The following MLLT1 variants were observed in gnomAD, a reference collection of about 807,000 sequenced individuals.
MLLT1 encodes MLLT1 super elongation complex subunit, also known as protein ENL.
MLLT1 carries 11 observed loss-of-function variants against 55.1 expected under a neutral mutation model. That is an observed-to-expected ratio of 0.20 (90% CI 0.13 to 0.33). The LOEUF is 0.33. Among genes scored for constraint, MLLT1 ranks in the 10% least tolerant of loss-of-function variants. MLLT1 has a pLI of 1.00. For synonymous variants in MLLT1, 323 were observed against 320.1 expected (o/e 1.01, Z -0.10); for missense variants, 536 against 760.6 (o/e 0.70, Z 3.47).
intron 3 of MLLT1, among the ~76,000 whole-genome samples, chr19:6,249,211 G>A (rs909478764): frequency 2.0e-5 from 3 of 152,138 alleles, no homozygotes; most frequent in South Asian, 2.1e-4. Flanking sequence ...TTGAAATAAT[G>A]TTTTAGATAC....
chr19:6,215,019 C>T (rs971484341), intron 8 of MLLT1, among the ~76,000 whole-genome samples: 6 of 152,222 alleles, frequency 3.9e-5, no homozygotes, highest in Non-Finnish European at 8.8e-5. Flanking sequence ...GCCCAGGCGA[C>T]GCCCCTGCCT....
chr19:6,261,451 C>G (rs973615813), intron 3 of MLLT1, among the ~76,000 whole-genome samples: 1 of 152,100 alleles, frequency 6.6e-6, no homozygotes, highest in Non-Finnish European at 1.5e-5. Flanking sequence ...AGTAACCAAG[C>G]GGGGCGGCAT....
Position 6,227,294 on chromosome 19 carries a change from G to A in MLLT1, c.421-192C>T, listed in dbSNP as rs2090965143. On this transcript the variant is annotated intron_variant, in intron 4 of 11. Transcript: ENST00000252674. The surrounding 1 kb of genome is among the most constrained non-coding windows in gnomAD (Gnocchi z 5.1). ...GCACGCAGAAGAAGCAGGCATGGGT[G>A]GGGAGCGAAGAAAAGCCCAGGGTCC... Among the ~76,000 whole-genome samples, 1 of 152,160 alleles carries A rather than the reference G, an allele frequency of 6.6e-6. No homozygotes were observed. The highest frequency in any genetic ancestry group is 1.5e-5 in the Non-Finnish European group (1 of 68,032).
Position 6,211,749 on chromosome 19 carries a change from C to A in MLLT1, c.*1293G>T, listed in dbSNP as rs2090774377. 17 of 1,064,640 alleles carry A rather than the reference C, an allele frequency of 1.6e-5. No homozygotes were observed. The East Asian group carries it at 8.0e-4, about 50-fold the overall frequency. The allele number at this position is 1,064,640 out of a possible 1,614,324, so 65.9% of individuals were successfully genotyped here. On this transcript the variant is annotated 3_prime_UTR_variant, in exon 12 of 12. Transcript: ENST00000252674. This position sits in a 1 kb window ranked among gnomAD's most constrained non-coding sequence, Gnocchi z 4.6. ...AGGCAGGCCTCCAGCCCCTGGGACCCCCAGCCACGATGGGCTGGCTCCGCG... is the reference window on the plus strand; with the variant it reads ...AGGCAGGCCTCCAGCCCCTGGGACCACCAGCCACGATGGGCTGGCTCCGCG...
At chr19:6,255,998 C>T (rs1025138655) in intron 3 of MLLT1, among the ~76,000 whole-genome samples, 3 of 152,032 alleles carry the variant, frequency 2.0e-5, no homozygotes, top group Admixed American at 6.5e-5. Flanking sequence ...GCAGGTAGAT[C>T]ACCTGAGGTC....
At position 6,279,920 on chromosome 19, in the gene MLLT1, G is replaced by A. The variant is rs2091450408; in HGVS notation, c.-136C>T. ...GCCGCCGCCGCCGCCGATCCCGGCC[G>A]CCCGCTCGCCCGCCAGCCCCGCGGA... is the stretch of plus-strand genomic sequence containing the variant. On this transcript the variant is annotated 5_prime_UTR_variant, in exon 1 of 12. Coordinates refer to ENST00000252674, the MANE Select transcript of MLLT1 (RefSeq NM_005934.4). 2 of 165,396 alleles carry A rather than the reference G, an allele frequency of 1.2e-5. No individual in the cohort carries two copies. The highest frequency in any genetic ancestry group is 2.4e-5 in the African/African-American group (1 of 41,170). The allele number at this position is 165,396 out of a possible 1,614,324, so 10.2% of individuals were successfully genotyped here. A position where few individuals can be genotyped will look rare whatever the true frequency, so the allele number is the denominator to read the frequency against.
chr19:6,221,821 C>T lies in MLLT1; in HGVS notation c.1110+300G>A, dbSNP rs4807850. Among the ~76,000 whole-genome samples the T allele has an allele frequency of 2.0e-5, 3 of 152,244 alleles. 1 individual carries two copies. The highest frequency in any genetic ancestry group is 2.0e-4 in the Admixed American group (3 of 15,288). On this transcript the variant is annotated intron_variant, in intron 6 of 11. Coordinates refer to ENST00000252674, the MANE Select transcript of MLLT1 (RefSeq NM_005934.4). ...AGACCCGGGCCCATGCAGGGGGCTG[C>T]TGGAGGAGGGGAGCTCAGAACCTCA...
At chr19:6,261,266 C>T (rs535825538) in intron 3 of MLLT1, among the ~76,000 whole-genome samples, 6 of 152,308 alleles carry the variant, frequency 3.9e-5, no homozygotes, top group Admixed American at 2.0e-4. Context: ...AACTGGACCC[C>T]GCGCGAGGCC....
intron 3 of MLLT1, among the ~76,000 whole-genome samples, chr19:6,253,424 T>C (rs1030656874): frequency 1.3e-5 from 2 of 152,018 alleles, no homozygotes; most frequent in African/African-American, 2.4e-5. Context: ...ACACCACTCC[T>C]GCTCAAACTC....
chr19:6,216,317 C>T (rs747651449), intron 8 of MLLT1, 88 bp downstream of exon 8: 3 of 998,378 alleles, frequency 3.0e-6, no homozygotes, highest in Non-Finnish European at 4.6e-6. Flanking sequence ...CAGTCCCAAC[C>T]CCACCTGCAG....
At chr19:6,275,019 C>A (rs1468499908) in intron 1 of MLLT1, among the ~76,000 whole-genome samples, 1 of 152,266 alleles carries the variant, frequency 6.6e-6, no homozygotes, top group Non-Finnish European at 1.5e-5. Context: ...CAGGTGTGGG[C>A]TACAGCGGCC....
Position 6,220,907 on chromosome 19 carries a change from G to A in MLLT1, c.1110+1214C>T, listed in dbSNP as rs768532071. Among the ~76,000 whole-genome samples the A allele has an allele frequency of 5.9e-5, 9 of 152,184 alleles. 1 individual carries two copies. Among genetic ancestry groups the A allele is most frequent in the Non-Finnish European group, 1.2e-4 (8 of 68,010 alleles). ...GGAAGGTGGCACCGGCCCCCCCACC[G>A]CCTCAGGGTCATAGCAGATGGTGCC... is the stretch of plus-strand genomic sequence containing the variant. On this transcript the variant is annotated intron_variant, in intron 6 of 11. Transcript: ENST00000252674.
Position 6,262,205 on chromosome 19 carries a change from C to T in MLLT1, c.276+23G>A. 1 of 1,606,082 alleles carries T rather than the reference C, an allele frequency of 6.2e-7. No individual in the cohort carries two copies. The highest frequency in any genetic ancestry group is 8.5e-7 in the Non-Finnish European group (1 of 1,172,984). On this transcript the variant is annotated intron_variant, in intron 3 of 11. Coordinates refer to ENST00000252674, the MANE Select transcript of MLLT1 (RefSeq NM_005934.4). This position sits in a 1 kb window ranked among gnomAD's most constrained non-coding sequence, Gnocchi z 4.4. ...GGGGTCCCCACAGAGAGGCATCCTG[C>T]TTGCTCCCCTCAGGGATCCTACCTT...
In MLLT1 at chr19:6,233,421, G is replaced by A. The variant is rs3787057; in HGVS notation, c.277-2708C>T. Among the ~76,000 whole-genome samples the A allele has an allele frequency of 8.3e-3, 1,267 of 152,262 alleles. 62 individuals are homozygous for A. The East Asian group carries it at 0.13, about 16-fold the overall frequency. On this transcript the variant is annotated intron_variant, in intron 3 of 11. Coordinates refer to ENST00000252674, the MANE Select transcript of MLLT1 (RefSeq NM_005934.4). ...AGTGACCTTGTGTGGGGAAAGCCCT[G>A]ATCTCAGAAAAGTGGGTCTCTGCCC...
chr19:6,228,963 G>A (rs1028440607), intron 4 of MLLT1, among the ~76,000 whole-genome samples: 4 of 152,234 alleles, frequency 2.6e-5, no homozygotes, highest in East Asian at 1.9e-4. Context: ...GCCTTGCCCC[G>A]CGCCTCCTCC....
intron 8 of MLLT1, among the ~76,000 whole-genome samples, chr19:6,215,330 G>A (rs976970631): frequency 5.3e-5 from 8 of 152,230 alleles, no homozygotes; most frequent in South Asian, 4.1e-4. Flanking sequence ...GGCTCTTGGC[G>A]CAAGCAGAAT....
rs751858137 is a variant in MLLT1 at position 6,227,022 on chromosome 19, A to T, written c.501T>A (p.Ser167=). The part of the protein sequence containing the change: ...DYPMLPTIPL[S]AFSDPKKTKP... Reference sequence around the variant, plus strand: ...TGGTCTTCTTGGGGTCAGAGAAGGCAGAGAGTGGAATTGTGGGTAACATGG... The same window carrying T: ...TGGTCTTCTTGGGGTCAGAGAAGGCTGAGAGTGGAATTGTGGGTAACATGG... Residue 167 remains serine (S), a synonymous_variant, in exon 5 of 12, where the codon TCT becomes TCA. Transcript: ENST00000252674. This position sits in a 1 kb window ranked among gnomAD's most constrained non-coding sequence, Gnocchi z 5.1. 11 of 1,607,098 alleles carry T rather than the reference A, an allele frequency of 6.8e-6. No homozygotes were observed. Among genetic ancestry groups the T allele is most frequent in the Non-Finnish European group, 8.5e-6 (10 of 1,177,438 alleles).
intron 3 of MLLT1, among the ~76,000 whole-genome samples, chr19:6,244,847 C>A (rs937102594): frequency 1.3e-5 from 2 of 152,016 alleles, no homozygotes; most frequent in African/African-American, 4.8e-5. Flanking sequence ...TGCTCATTAC[C>A]GTCGGCCGTC....
chr19:6,268,669 T>C (rs1048179599), intron 2 of MLLT1, among the ~76,000 whole-genome samples: 17 of 152,190 alleles, frequency 1.1e-4, no homozygotes, highest in African/African-American at 4.1e-4. Context: ...TACTTTCTGA[T>C]ACATTTGATG....
Sources: allele counts gnomAD v4.1 joint callset (sites outside exome capture counted in the v4.1 genomes callset), GRCh38; gene constraint gnomAD v4.1.1; non-coding constraint Gnocchi (gnomAD v3.1); transcripts MANE v1.5; gene names NCBI Gene and HGNC (gene_info 2026-07-23, HGNC 2026-07-21).